The following ESCO1 variants were observed in gnomAD, a reference collection of about 807,000 sequenced individuals.
ESCO1 encodes establishment of sister chromatid cohesion N-acetyltransferase 1, also known as N-acetyltransferase ESCO1.
Under a neutral mutation model 83.5 loss-of-function variants are expected in ESCO1, and 33 were observed. The observed-to-expected ratio is 0.40, with a 90% CI of 0.30 to 0.53. The LOEUF is 0.53. Ranked by LOEUF, ESCO1 falls within the 20% of genes least tolerant of loss-of-function variation. The pLI is 0.63. For synonymous variants in ESCO1, 332 were observed against 324.3 expected, an observed-to-expected ratio of 1.02 and a Z score of -0.25; for missense variants, 855 against 968.0, an observed-to-expected ratio of 0.88 and a Z score of 1.55.
At chr18:21,572,906 G>A (rs1205188877) in intron 4 of ESCO1, among the ~76,000 whole-genome samples, 1 of 151,752 alleles carries the variant, frequency 6.6e-6, no homozygotes, top group Non-Finnish European at 1.5e-5. Flanking sequence ...GGAGGATGCA[G>A]TGAGCTGAGA....
chr18:21,544,203 G>T (rs2037941623), intron 8 of ESCO1, among the ~76,000 whole-genome samples: 2 of 151,990 alleles, frequency 1.3e-5, no homozygotes, highest in South Asian at 4.1e-4. Context: ...GAACCCAGGG[G>T]ACAGAGGTTG....
At chr18:21,595,704 C>T (rs897767827) in intron 1 of ESCO1, among the ~76,000 whole-genome samples, 10 of 148,962 alleles carry the variant, frequency 6.7e-5, no homozygotes, top group Admixed American at 1.3e-4. Flanking sequence ...TGGCTCACGC[C>T]TGTAATCCCA....
intron 8 of ESCO1, among the ~76,000 whole-genome samples, chr18:21,556,725 G>A (rs1568099242): frequency 6.6e-6 from 1 of 151,888 alleles, no homozygotes; most frequent in African/African-American, 2.4e-5. Context: ...CCTTGAGATG[G>A]AGTCTCGCTA....
At chr18:21,584,814 C>T (rs2038551166) in intron 1 of ESCO1, among the ~76,000 whole-genome samples, 1 of 151,942 alleles carries the variant, frequency 6.6e-6, no homozygotes, top group Non-Finnish European at 1.5e-5. Flanking sequence ...CAGTGACACC[C>T]CCATCTCAAC....
chr18:21,553,487 A>T (rs1259702221), intron 8 of ESCO1, among the ~76,000 whole-genome samples: 1 of 151,292 alleles, frequency 6.6e-6, no homozygotes, highest in Non-Finnish European at 1.5e-5. Context: ...TTTTTTTTGA[A>T]AAAGATACTG....
chr18:21,565,746 G>C (rs947715661), intron 6 of ESCO1, among the ~76,000 whole-genome samples: 1 of 152,092 alleles, frequency 6.6e-6, no homozygotes. Flanking sequence ...AGACCAGCCT[G>C]AGCAGCATAG....
intron 9 of ESCO1, 100 bp from the exon 10 acceptor site, chr18:21,536,285 G>T: frequency 7.5e-7 from 1 of 1,330,234 alleles, no homozygotes; most frequent in Non-Finnish European, 1.0e-6. Flanking sequence ...TCCAAGCAGG[G>T]CATCCTCTAA....
At chr18:21,556,400 C>T (rs2038112724) in intron 8 of ESCO1, among the ~76,000 whole-genome samples, 1 of 152,150 alleles carries the variant, frequency 6.6e-6, no homozygotes, top group Admixed American at 6.6e-5. Context: ...ATTATATGCA[C>T]TCAAATTTCA....
intron 8 of ESCO1, among the ~76,000 whole-genome samples, chr18:21,541,424 T>C (rs953065057): frequency 3.9e-5 from 6 of 152,060 alleles, no homozygotes; most frequent in Non-Finnish European, 8.8e-5. Flanking sequence ...TCTACTAAAA[T>C]ACAAAAAATT....
intron 8 of ESCO1, among the ~76,000 whole-genome samples, chr18:21,555,094 TCAAA>T (rs1357958459): frequency 2.0e-5 from 3 of 152,064 alleles, no homozygotes; most frequent in African/African-American, 7.2e-5. Context: ...AGACTTCGTC[TCAAA>T]CTAACTAACT....
intron 4 of ESCO1, among the ~76,000 whole-genome samples, 192 bp from the exon 5 acceptor site, chr18:21,568,286 T>C (rs766479593): frequency 2.0e-5 from 3 of 152,088 alleles, no homozygotes; most frequent in Non-Finnish European, 4.4e-5. Context: ...CCCTTCATGC[T>C]AAATTTAAAA....
At chr18:21,563,410 C>G (rs772776660) in intron 7 of ESCO1, among the ~76,000 whole-genome samples, 1 of 152,178 alleles carries the variant, frequency 6.6e-6, no homozygotes, top group African/African-American at 2.4e-5. Flanking sequence ...TGCAATGGCA[C>G]CATCTCAGCT....
intron 10 of ESCO1, 50 bp downstream of exon 10, chr18:21,535,992 G>T: frequency 6.3e-7 from 1 of 1,592,378 alleles, no homozygotes. Flanking sequence ...GGATTACGTT[G>T]TAAACTCATT....
chr18:21,552,668 G>C (rs564447668), intron 8 of ESCO1, among the ~76,000 whole-genome samples: 13 of 152,196 alleles, frequency 8.5e-5, no homozygotes, highest in Non-Finnish European at 1.8e-4. Flanking sequence ...AAACAGGACA[G>C]AGAACCCGGA....
chr18:21,568,402 A>ATAGTGACACCCT, intron 4 of ESCO1, among the ~76,000 whole-genome samples: 1 of 152,306 alleles, frequency 6.6e-6, no homozygotes, highest in East Asian at 1.9e-4. Flanking sequence ...CCTGGACAAC[A>ATAGTGACACCCT]TAGTGACACC....
chr18:21,532,594 T>G lies in ESCO1; in HGVS notation c.2254A>C (p.Arg752=). Residue 752 remains arginine (R), a synonymous_variant, in exon 11 of 12, where the codon AGG becomes CGG. Transcript: ENST00000269214. ...GTTGAGCAGCACCAGGCTTTTTGCC[T>G]TTCAAATCTGACTTTTTCTTCTTCT... is the stretch of plus-strand genomic sequence containing the variant. ...RSEEEKVRFE[R]QKAWCCSTLP... The G allele has an allele frequency of 6.2e-7, 1 of 1,614,162 alleles. No homozygotes were observed.
At chr18:21,553,953 G>A (rs1207551104) in intron 8 of ESCO1, among the ~76,000 whole-genome samples, 1 of 150,082 alleles carries the variant, frequency 6.7e-6, no homozygotes. Flanking sequence ...CAGCCTGATT[G>A]AAAAATTAAA....
intron 8 of ESCO1, among the ~76,000 whole-genome samples, chr18:21,543,507 T>C (rs1292170528): frequency 6.6e-6 from 1 of 152,120 alleles, no homozygotes; most frequent in Non-Finnish European, 1.5e-5. Flanking sequence ...ATTTCTCCTT[T>C]TTCCATCAAA....
chr18:21,598,648 G>C (rs929226216), intron 1 of ESCO1, among the ~76,000 whole-genome samples: 9 of 151,928 alleles, frequency 5.9e-5, no homozygotes, highest in African/African-American at 2.2e-4. Flanking sequence ...ATTGCAGTGA[G>C]CCGAGATCTC....
Sources: allele counts gnomAD v4.1 joint callset (sites outside exome capture counted in the v4.1 genomes callset), GRCh38; gene constraint gnomAD v4.1.1; transcripts MANE v1.5; gene names NCBI Gene and HGNC (gene_info 2026-07-23, HGNC 2026-07-21).